The following NLK variants were observed in gnomAD, a reference collection of about 807,000 sequenced individuals.
NLK encodes nemo like kinase, also known as serine/threonine-protein kinase NLK.
NLK carries 11 observed loss-of-function variants against 59.0 expected under a neutral mutation model. The ratio of observed to expected loss-of-function variants is 0.19; its 90% CI spans 0.12 to 0.31. NLK has a LOEUF of 0.31. NLK is among the 10% of genes least tolerant of loss of function. The probability of loss-of-function intolerance (pLI) is 1.00; values close to 1 mark genes in which losing one functional copy is unlikely to be tolerated. For synonymous variants in NLK, 235 were observed against 235.9 expected (o/e 1.00, Z 0.03); for missense variants, 410 against 661.1 (o/e 0.62, Z 4.16).
At chr17:28,125,370 G>A (rs750142893) in intron 2 of NLK, among the ~76,000 whole-genome samples, 6 of 152,206 alleles carry the variant, frequency 3.9e-5, no homozygotes, top group Non-Finnish European at 5.9e-5. Context: ...GTACTGTTGT[G>A]TCTTGGACCT....
At position 28,142,778 on chromosome 17, in the gene NLK, A is replaced by T. The variant is rs531874667; in HGVS notation, c.644+10103A>T. Among the ~76,000 whole-genome samples the T allele has an allele frequency of 1.3e-3, 195 of 151,866 alleles. 1 individual carries two copies. Among genetic ancestry groups the T allele is most frequent in the African/African-American group, 4.4e-3 (182 of 41,486 alleles). Reference sequence around the variant, plus strand: ...AAGTCTCACACATTTATGGCTGTAGATTCTTTTTTCAGACAGGAATGGCAG... The same window carrying T: ...AAGTCTCACACATTTATGGCTGTAGTTTCTTTTTTCAGACAGGAATGGCAG... On this transcript the variant is annotated intron_variant, in intron 3 of 10. Coordinates refer to ENST00000407008, the MANE Select transcript of NLK (RefSeq NM_016231.5).
At chr17:28,183,105 C>T (rs868594885) in intron 7 of NLK, among the ~76,000 whole-genome samples, 1 of 152,132 alleles carries the variant, frequency 6.6e-6, no homozygotes, top group Non-Finnish European at 1.5e-5. Context: ...CCTTTGGTCT[C>T]GACTACTCGG....
chr17:28,138,215 G>A (rs1394265926), intron 3 of NLK, among the ~76,000 whole-genome samples: 3 of 152,188 alleles, frequency 2.0e-5, no homozygotes, highest in African/African-American at 7.2e-5. Context: ...TAAAAATTTG[G>A]TCTGCTTTGG....
At chr17:28,136,100 A>G (rs551157149) in intron 3 of NLK, among the ~76,000 whole-genome samples, 2 of 152,310 alleles carry the variant, frequency 1.3e-5, no homozygotes, top group East Asian at 3.9e-4. Flanking sequence ...ATGTTTAAGT[A>G]AAGAGCCTTT....
intron 1 of NLK, among the ~76,000 whole-genome samples, chr17:28,120,070 G>T (rs116446389): frequency 0.01 from 1,580 of 152,070 alleles, 30 homozygotes; most frequent in African/African-American, 0.036. Context: ...TCCCTTTTTC[G>T]TATTTCATTG....
At chr17:28,205,868 C>G in the NLK span, among the ~76,000 whole-genome samples, 1 of 152,154 alleles carries the variant, frequency 6.6e-6, no homozygotes, top group South Asian at 2.1e-4. Flanking sequence ...GTACAGAGGA[C>G]TACAGTTAGT....
At chr17:28,178,427 A>G (rs975062831) in intron 7 of NLK, among the ~76,000 whole-genome samples, 1 of 152,156 alleles carries the variant, frequency 6.6e-6, no homozygotes, top group African/African-American at 2.4e-5. Context: ...TTTCAAGTTT[A>G]TTATCTCTTT....
chr17:28,097,772 T>A (rs1904754302), intron 1 of NLK, among the ~76,000 whole-genome samples: 1 of 152,202 alleles, frequency 6.6e-6, no homozygotes, highest in African/African-American at 2.4e-5. Context: ...ACTCTAAGTT[T>A]TAGCAACTAG....
chr17:28,108,426 A>C (rs2142799415), intron 1 of NLK, among the ~76,000 whole-genome samples: 1 of 152,296 alleles, frequency 6.6e-6, no homozygotes, highest in South Asian at 2.1e-4. Context: ...CAAGGTACAG[A>C]TATATGCAAG....
intron 1 of NLK, among the ~76,000 whole-genome samples, chr17:28,098,353 G>A (rs1423197041): frequency 6.6e-6 from 1 of 152,152 alleles, no homozygotes; most frequent in Non-Finnish European, 1.5e-5. Context: ...CCAAGGTGGA[G>A]TAAAAGAGAG....
intron 1 of NLK, among the ~76,000 whole-genome samples, chr17:28,095,939 T>A (rs148610063): frequency 6.6e-6 from 1 of 152,226 alleles, no homozygotes; most frequent in Non-Finnish European, 1.5e-5. Context: ...GTTGCACTTA[T>A]ATTAAAATCA....
chr17:28,111,718 A>G (rs1232091745), intron 1 of NLK, among the ~76,000 whole-genome samples: 3 of 151,230 alleles, frequency 2.0e-5, no homozygotes, highest in African/African-American at 7.3e-5. Flanking sequence ...GGTGTAGCCA[A>G]CTCGGGTCTC....
At chr17:28,197,779 A>G (rs999113324), downstream of NLK, among the ~76,000 whole-genome samples, 1 of 152,034 alleles carries the variant, frequency 6.6e-6, no homozygotes, top group Non-Finnish European at 1.5e-5. Context: ...CTTTATATTA[A>G]AATAAGAATA....
At chr17:28,072,089 A>T (rs1910023890) in intron 1 of NLK, among the ~76,000 whole-genome samples, 1 of 152,054 alleles carries the variant, frequency 6.6e-6, no homozygotes, top group East Asian at 1.9e-4. Context: ...AAAGTGTCAT[A>T]TTTCTGTGTT....
intron 7 of NLK, among the ~76,000 whole-genome samples, chr17:28,184,282 A>C (rs550999252): frequency 6.6e-6 from 1 of 152,246 alleles, no homozygotes; most frequent in African/African-American, 2.4e-5. Context: ...CATAAGACAT[A>C]GTTCACATTC....
intron 1 of NLK, among the ~76,000 whole-genome samples, chr17:28,051,036 C>T (rs1223272292): frequency 1.3e-5 from 2 of 148,934 alleles, no homozygotes; most frequent in African/African-American, 2.5e-5. Context: ...GCTGATATCA[C>T]ACCACTGCAC....
At chr17:28,101,971 A>G (rs1021594012) in intron 1 of NLK, among the ~76,000 whole-genome samples, 2 of 152,092 alleles carry the variant, frequency 1.3e-5, no homozygotes, top group African/African-American at 2.4e-5. Flanking sequence ...CTTACATGCT[A>G]TATTCTTTTT....
intron 1 of NLK, among the ~76,000 whole-genome samples, chr17:28,105,385 G>A (rs1008343993): frequency 3.2e-4 from 48 of 152,232 alleles, no homozygotes; most frequent in African/African-American, 1.1e-3. Context: ...CATAGTTTGT[G>A]TATATTTCTT....
intron 7 of NLK, among the ~76,000 whole-genome samples, chr17:28,180,549 C>T (rs1908864270): frequency 6.6e-6 from 1 of 152,132 alleles, no homozygotes; most frequent in Admixed American, 6.5e-5. Flanking sequence ...GAGTGACTTA[C>T]CTAAGTCTAG....
Sources: gnomAD v4.1 joint callset for allele counts (sites outside exome capture counted in the v4.1 genomes callset) on GRCh38, gnomAD v4.1.1 for gene constraint, MANE v1.5 for transcripts, NCBI Gene and HGNC (gene_info 2026-07-23, HGNC 2026-07-21) for gene names.